The following KIAA0825 variants were observed in gnomAD, a reference collection of about 807,000 sequenced individuals.
KIAA0825 encodes the protein KIAA0825.
A neutral mutation model predicts 147.6 loss-of-function variants in KIAA0825; 119 were observed. The observed-to-expected ratio is 0.81, with a 90% CI of 0.69 to 0.94. The LOEUF is 0.94. Among genes scored for constraint, KIAA0825 ranks in the 40% least tolerant of loss-of-function variants. The pLI is 0.00. For missense variants in KIAA0825, 1,381 were observed against 1,472.7 expected, an observed-to-expected ratio of 0.94 and a Z score of 1.02; for synonymous variants, 470 against 518.1, an observed-to-expected ratio of 0.91 and a Z score of 1.26.
intron 16 of KIAA0825, among the ~76,000 whole-genome samples, chr5:94,403,039 A>G (rs1042949572): frequency 1.3e-5 from 2 of 152,102 alleles, no homozygotes; most frequent in Non-Finnish European, 2.9e-5. Context: ...AATGCACTCA[A>G]TTTAGAACCA....
intron 5 of KIAA0825, among the ~76,000 whole-genome samples, chr5:94,491,672 T>C (rs747993463): frequency 2.6e-5 from 4 of 152,230 alleles, no homozygotes; most frequent in Non-Finnish European, 5.9e-5. Flanking sequence ...ATTATTGTTA[T>C]AACTTTTACT....
rs185479766 is a variant in KIAA0825, at chr5:94,157,105, G to T, written c.3711-2981C>A. ...CCTAATATATTTAATATCTGTGGTG[G>T]AAAAAGCATATCCCTACAGAAACCA... On this transcript the variant is annotated intron_variant, in intron 20 of 20. Transcript: ENST00000682413. 2.4e-3 allele frequency among the ~76,000 whole-genome samples: 366 copies of T among 152,230 alleles called. 1 individual carries two copies. The highest frequency in any genetic ancestry group is 8.5e-3 in the African/African-American group (352 of 41,530).
At chr5:94,557,363 A>G (rs567572250) in intron 2 of KIAA0825, among the ~76,000 whole-genome samples, 25 of 151,268 alleles carry the variant, frequency 1.7e-4, no homozygotes, top group Middle Eastern at 3.5e-3. Context: ...TCAGCCTTCA[A>G]GGTACTGGGC....
chr5:94,269,545 AAT>A (rs1776887423), intron 20 of KIAA0825, among the ~76,000 whole-genome samples: 1 of 152,148 alleles, frequency 6.6e-6, no homozygotes, highest in African/African-American at 2.4e-5. Context: ...GAAATTAAAC[AAT>A]ATGTTTCTGA....
At chr5:94,316,664 C>T (rs1779689810) in intron 20 of KIAA0825, among the ~76,000 whole-genome samples, 1 of 151,762 alleles carries the variant, frequency 6.6e-6, no homozygotes, top group Non-Finnish European at 1.5e-5. Flanking sequence ...AAACAGTCCA[C>T]TCTGAATCAG....
At chr5:94,212,419 C>T (rs1772796026) in intron 20 of KIAA0825, among the ~76,000 whole-genome samples, 1 of 152,142 alleles carries the variant, frequency 6.6e-6, no homozygotes, top group African/African-American at 2.4e-5. Flanking sequence ...TAGGAGACAA[C>T]TTCATCAAGA....
At chr5:94,234,907 A>T (rs1056771513) in intron 20 of KIAA0825, among the ~76,000 whole-genome samples, 1 of 152,170 alleles carries the variant, frequency 6.6e-6, no homozygotes, top group Non-Finnish European at 1.5e-5. Flanking sequence ...AGGGGCATCA[A>T]CTGCGCCCAC....
intron 20 of KIAA0825, among the ~76,000 whole-genome samples, chr5:94,157,786 T>C (rs1486424060): frequency 6.6e-6 from 1 of 152,150 alleles, no homozygotes; most frequent in Non-Finnish European, 1.5e-5. Flanking sequence ...ATCTTATATT[T>C]GGGGAGGTTT....
At chr5:94,258,031 C>T (rs995635566) in intron 20 of KIAA0825, among the ~76,000 whole-genome samples, 3 of 151,796 alleles carry the variant, frequency 2.0e-5, no homozygotes, top group South Asian at 2.1e-4. Flanking sequence ...GTATGGAGCA[C>T]GTGTATGATG....
chr5:94,324,932 C>A (rs1169959437), intron 20 of KIAA0825, among the ~76,000 whole-genome samples: 1 of 151,770 alleles, frequency 6.6e-6, no homozygotes, highest in East Asian at 1.9e-4. Context: ...TGATACCTGC[C>A]ACTAAAAAAA....
At chr5:94,403,530 T>C (rs1001724105) in intron 16 of KIAA0825, 39 bp downstream of exon 16, 64 of 1,481,856 alleles carry the variant, frequency 4.3e-5, no homozygotes, top group Non-Finnish European at 5.0e-5. Flanking sequence ...AAATTGCTTC[T>C]TCAGGTGTAT....
At chr5:94,458,518 A>G (rs1342080175) in intron 12 of KIAA0825, among the ~76,000 whole-genome samples, 1 of 152,170 alleles carries the variant, frequency 6.6e-6, no homozygotes, top group Non-Finnish European at 1.5e-5. Context: ...CCAGTCGAAT[A>G]TTCTGGGAGC....
At chr5:94,533,274 G>A (rs1422143264) in intron 3 of KIAA0825, among the ~76,000 whole-genome samples, 4 of 127,506 alleles carry the variant, frequency 3.1e-5, no homozygotes, top group East Asian at 4.7e-4. Flanking sequence ...CACTGTGCCC[G>A]GCCTTTTTTT....
chr5:94,396,282 AG>A lies in KIAA0825; in HGVS notation c.3114del (p.Ser1039LeufsTer12). ...DGNTVELLTG[A>X]SLDRWSKEKL... ...TTTTCTTTACTCCATCTGTCAAGAG[AG>A]GCACCTGTTAAAAGTTCCACAGTGT... On this transcript the variant is annotated frameshift_variant, in exon 17 of 21. Transcript: ENST00000682413. LOFTEE classifies it high-confidence loss of function. 1.3e-6 allele frequency: 2 copies of A among 1,550,896 alleles called. No homozygotes were observed. The highest frequency in any genetic ancestry group is 1.7e-6 in the Non-Finnish European group (2 of 1,146,682).
intron 20 of KIAA0825, among the ~76,000 whole-genome samples, chr5:94,269,389 C>A (rs979786744): frequency 6.6e-6 from 1 of 152,056 alleles, no homozygotes; most frequent in Admixed American, 6.6e-5. Flanking sequence ...AACCAGAAAA[C>A]AAATAACAAA....
At chr5:94,275,009 A>G (rs1777159168) in intron 20 of KIAA0825, among the ~76,000 whole-genome samples, 1 of 152,182 alleles carries the variant, frequency 6.6e-6, no homozygotes. Flanking sequence ...TTGTCAAAGT[A>G]GAGGTACTGT....
chr5:94,390,526 C>T (rs40268), intron 18 of KIAA0825, among the ~76,000 whole-genome samples: 1 of 152,172 alleles, frequency 6.6e-6, no homozygotes, highest in African/African-American at 2.4e-5. Context: ...ACTGAGCTCT[C>T]GTGCCTTAAG....
intron 20 of KIAA0825, among the ~76,000 whole-genome samples, chr5:94,301,995 C>T (rs983335367): frequency 5.9e-5 from 9 of 152,014 alleles, no homozygotes; most frequent in East Asian, 1.9e-4. Context: ...CTGTATTCAC[C>T]GAATGCATTT....
chr5:94,160,548 TATGTTAAGTATAA>T (rs1390290583), intron 20 of KIAA0825, among the ~76,000 whole-genome samples: 1 of 148,568 alleles, frequency 6.7e-6, no homozygotes, highest in East Asian at 1.9e-4. Context: ...TACATATATG[TATGTTAAGTATAA>T]ATACTGTATG....
Sources: gnomAD v4.1 joint callset for allele counts (sites outside exome capture counted in the v4.1 genomes callset) on GRCh38, gnomAD v4.1.1 for gene constraint, MANE v1.5 for transcripts, NCBI Gene and HGNC (gene_info 2026-07-23, HGNC 2026-07-21) for gene names.